The following RFC1 variants were observed in gnomAD, a reference collection of about 807,000 sequenced individuals.
The protein encoded by RFC1 is replication factor C subunit 1.
A neutral mutation model predicts 137.4 loss-of-function variants in RFC1; 37 were observed. The observed-to-expected ratio is 0.27, with a 90% CI of 0.21 to 0.35. The LOEUF (loss-of-function observed/expected upper bound fraction) is 0.35. Ranked by LOEUF, RFC1 falls within the 10% of genes least tolerant of loss-of-function variation. RFC1 has a pLI of 1.00. For synonymous variants in RFC1, 429 were observed against 455.7 expected (o/e 0.94, Z 0.75); for missense variants, 1,205 against 1,358.5 (o/e 0.89, Z 1.78).
In RFC1 at chr4:39,303,099, T is replaced by C; in HGVS notation, c.2163A>G (p.Val721=). 6.2e-7 allele frequency: 1 copy of C among 1,614,006 alleles called. No homozygotes were observed. The highest frequency in any genetic ancestry group is 1.7e-5 in the Admixed American group (1 of 60,028). ...TATCCTCATTGCCTGCCATGCCATC[T>C]ACTTCATCCATGATGAGAGCATGTT... ...STKHALIMDE[V]DGMAGNEDRG... Residue 721 remains valine (V), a synonymous_variant, in exon 16 of 25, where the codon GTA becomes GTG. Coordinates refer to ENST00000349703, the MANE Select transcript of RFC1 (RefSeq NM_002913.5).
At chr4:39,317,249 C>T (rs1246433713) in intron 9 of RFC1, among the ~76,000 whole-genome samples, 1 of 152,142 alleles carries the variant, frequency 6.6e-6, no homozygotes, top group Non-Finnish European at 1.5e-5. Flanking sequence ...CCACACACCT[C>T]AGGGCAGATT....
chr4:39,366,261 C>T lies in RFC1; in HGVS notation c.-20G>A, dbSNP rs892338098. 1 of 1,536,820 alleles carries T rather than the reference C, an allele frequency of 6.5e-7. No individual in the cohort carries two copies. Among genetic ancestry groups the T allele is most frequent in the Non-Finnish European group, 8.8e-7 (1 of 1,141,180 alleles). Reference sequence around the variant, plus strand: ...CACCATCGCAGCCCCAGGATGAAGGCGCTGGCTGGCTGGCGGGTGGGCCGG... The same window carrying T: ...CACCATCGCAGCCCCAGGATGAAGGTGCTGGCTGGCTGGCGGGTGGGCCGG... On this transcript the variant is annotated 5_prime_UTR_variant, in exon 1 of 25. Coordinates refer to ENST00000349703, the MANE Select transcript of RFC1 (RefSeq NM_002913.5).
chr4:39,311,238 CAT>C (rs1738946617), intron 12 of RFC1, among the ~76,000 whole-genome samples: 1 of 152,130 alleles, frequency 6.6e-6, no homozygotes, highest in African/African-American at 2.4e-5. Flanking sequence ...TTTCTCTACT[CAT>C]ATTCCCTGAC....
Position 39,355,080 on chromosome 4 carries a change from C to CA in RFC1, c.4-3605dup, listed in dbSNP as rs535213645. 2.9e-3 allele frequency among the ~76,000 whole-genome samples: 257 copies of CA among 87,142 alleles called. 2 individuals are homozygous for CA. Among genetic ancestry groups the CA allele is most frequent in the Non-Finnish European group, 3.8e-3 (180 of 47,306 alleles). 57.2% of individuals were successfully genotyped at this position (87,142 alleles called of 152,430 possible). ...CTGGGCGACAGAGCGACACTCATCT[C>CA]AAAAAAAAAAAAAAAAATACACACA... On this transcript the variant is annotated intron_variant, in intron 1 of 24. Transcript: ENST00000349703.
chr4:39,355,616 T>C (rs1741434383), intron 1 of RFC1, among the ~76,000 whole-genome samples: 1 of 152,222 alleles, frequency 6.6e-6, no homozygotes, highest in African/African-American at 2.4e-5. Context: ...TTGATCATTT[T>C]CCCCTAAGTT....
At chr4:39,317,369 T>G (rs1739290164) in intron 9 of RFC1, among the ~76,000 whole-genome samples, 2 of 152,232 alleles carry the variant, frequency 1.3e-5, no homozygotes, top group Admixed American at 6.5e-5. Flanking sequence ...CATATATCCA[T>G]GTTTAACGGG....
intron 2 of RFC1, among the ~76,000 whole-genome samples, chr4:39,348,196 C>A (rs1287410195): frequency 6.6e-6 from 1 of 151,674 alleles, no homozygotes; most frequent in African/African-American, 2.4e-5. Context: ...GGGAGACAGG[C>A]CAATCACTTC....
Position 39,312,748 on chromosome 4 carries a change from C to T in RFC1, c.1383+4G>A. On this transcript the variant is annotated splice_donor_region_variant and intron_variant, in intron 11 of 24. Transcript: ENST00000349703. Reference sequence around the variant, plus strand: ...CATGGTGTTGAGAACAAAGCAGTACCCACCTTATCACTCTTGGACTGTCCA... The same window carrying T: ...CATGGTGTTGAGAACAAAGCAGTACTCACCTTATCACTCTTGGACTGTCCA... The T allele has an allele frequency of 6.2e-7, 1 of 1,613,204 alleles. No individual in the cohort carries two copies. The highest frequency in any genetic ancestry group is 8.5e-7 in the Non-Finnish European group (1 of 1,179,498).
intron 4 of RFC1, among the ~76,000 whole-genome samples, chr4:39,341,117 T>A (rs1179470157): frequency 6.6e-6 from 1 of 152,252 alleles, no homozygotes; most frequent in Non-Finnish European, 1.5e-5. Flanking sequence ...TTAAATTGTC[T>A]GACCTTTTTG....
chr4:39,365,405 C>G, intron 1 of RFC1: 1 of 919,030 alleles, frequency 1.1e-6, no homozygotes, highest in African/African-American at 1.8e-5. Context: ...GCTTAATGAA[C>G]ATTTTAAATG....
In RFC1 at chr4:39,309,044, GA is replaced by G; in HGVS notation, c.1489-13del. 1 of 1,569,814 alleles carries G rather than the reference GA, an allele frequency of 6.4e-7. No individual in the cohort carries two copies. ...GACTCTTTCTTCATCTTAAGAAGTG[GA>G]AAAATGAGGAAAAAAGAAACCTGAT... On this transcript the variant is annotated splice_polypyrimidine_tract_variant and intron_variant, in intron 12 of 24. Transcript: ENST00000349703.
chr4:39,310,520 G>A (rs1738914652), intron 12 of RFC1, among the ~76,000 whole-genome samples: 2 of 152,148 alleles, frequency 1.3e-5, no homozygotes, highest in South Asian at 2.1e-4. Flanking sequence ...ATCTTGGAAT[G>A]CTGGCAATCC....
At position 39,302,304 on chromosome 4, in the gene RFC1, G is replaced by A. The variant is rs752953383; in HGVS notation, c.2509C>T (p.His837Tyr). Residue 837 changes from histidine (H) to tyrosine (Y), a missense_variant, in exon 19 of 25, where the codon CAC (histidine) becomes TAC (tyrosine). By Grantham distance (83) the His-to-Tyr change is moderately conservative. Transcript: ENST00000349703. ...ATTTTGATATCCTTTTTGGCTCTGT[G>A]AGAATCAGCTTTGGCCTGGTCATAG... is the stretch of plus-strand genomic sequence containing the variant. ...LTYDQAKADS[H>Y]RAKKDIKMGP... The A allele has an allele frequency of 3.7e-6, 6 of 1,611,852 alleles. No individual in the cohort carries two copies. Among genetic ancestry groups the A allele is most frequent in the South Asian group, 3.3e-5 (3 of 91,022 alleles).
At chr4:39,346,064 C>A (rs17287936) in intron 2 of RFC1, among the ~76,000 whole-genome samples, 102 of 152,174 alleles carry the variant, frequency 6.7e-4, no homozygotes, top group Admixed American at 4.4e-3. Flanking sequence ...CCTATGTATA[C>A]AACAAAGAAT....
At chr4:39,348,346 C>T (rs1740963671) in intron 2 of RFC1, among the ~76,000 whole-genome samples, 1 of 147,974 alleles carries the variant, frequency 6.8e-6, no homozygotes, top group South Asian at 2.2e-4. Context: ...TCACTTGAAC[C>T]TGGGAGGCAG....
At chr4:39,342,187 TG>T (rs1740632385) in intron 4 of RFC1, among the ~76,000 whole-genome samples, 157 bp downstream of exon 4, 1 of 152,196 alleles carries the variant, frequency 6.6e-6, no homozygotes, top group Admixed American at 6.6e-5. Context: ...CTACTGGAAA[TG>T]CAAAAGATGA....
At chr4:39,352,747 T>C (rs1361991485) in intron 1 of RFC1, among the ~76,000 whole-genome samples, 1 of 152,222 alleles carries the variant, frequency 6.6e-6, no homozygotes, top group Non-Finnish European at 1.5e-5. Context: ...TCTCTGCTTA[T>C]AGAGAAGGGT....
chr4:39,329,338 C>A (rs953422711), intron 4 of RFC1, among the ~76,000 whole-genome samples: 1 of 150,804 alleles, frequency 6.6e-6, no homozygotes, highest in African/African-American at 2.4e-5. Context: ...CCATCTCTAC[C>A]AAAAAAAATT....
chr4:39,340,178 C>G (rs912586908), intron 4 of RFC1, among the ~76,000 whole-genome samples: 1 of 152,144 alleles, frequency 6.6e-6, no homozygotes, highest in African/African-American at 2.4e-5. Context: ...AGTATACATG[C>G]TATGCCGCAA....
Sources: allele counts gnomAD v4.1 joint callset (sites outside exome capture counted in the v4.1 genomes callset), GRCh38; gene constraint gnomAD v4.1.1; transcripts MANE v1.5; gene names NCBI Gene and HGNC (gene_info 2026-07-23, HGNC 2026-07-21).